The following SLC26A7 variants were observed in gnomAD, a reference collection of about 807,000 sequenced individuals.
SLC26A7 encodes the protein anion exchange transporter.
SLC26A7 carries 59 observed loss-of-function variants against 82.5 expected under a neutral mutation model. The ratio of observed to expected loss-of-function variants is 0.72; its 90% CI spans 0.58 to 0.89. SLC26A7 has a LOEUF of 0.89. Ranked by LOEUF, SLC26A7 falls within the 40% of genes least tolerant of loss-of-function variation. The pLI is 0.00. For missense variants in SLC26A7, 820 were observed against 793.0 expected (o/e 1.03, Z -0.41); for synonymous variants, 271 against 274.3 (o/e 0.99, Z 0.12).
chr8:91,318,374 C>A lies in SLC26A7; in HGVS notation c.636C>A (p.Phe212Leu). The A allele has an allele frequency of 6.3e-7, 1 of 1,597,642 alleles. No individual in the cohort carries two copies. The highest frequency in any genetic ancestry group is 8.5e-7 in the Non-Finnish European group (1 of 1,170,440). The change falls in exon 5 of 19, where the codon TTC becomes TTA. Residue 212 changes from phenylalanine to leucine, a missense_variant. By Grantham distance (22) the Phe-to-Leu change is conservative. Coordinates refer to ENST00000276609, the MANE Select transcript of SLC26A7 (RefSeq NM_052832.4). ...CATATATATCCGGACCACTTGGATT[C>A]TTTTATGTGAGTTTTTCGTATGCTT... Reference protein sequence around the residue: ...KMPYISGPLGFFYIYAYVFEN... With the variant: ...KMPYISGPLGLFYIYAYVFEN...
At chr8:91,371,992 A>G (rs1814375669) in intron 15 of SLC26A7, among the ~76,000 whole-genome samples, 1 of 152,052 alleles carries the variant, frequency 6.6e-6, no homozygotes, top group Non-Finnish European at 1.5e-5. Context: ...ATGATTAATG[A>G]TGTTGAGCAT....
intron 5 of SLC26A7, among the ~76,000 whole-genome samples, chr8:91,328,337 A>G (rs1295882211): frequency 6.6e-6 from 1 of 152,122 alleles, no homozygotes; most frequent in Non-Finnish European, 1.5e-5. Flanking sequence ...CTTCATTTTT[A>G]TAAAATTAAA....
chr8:91,357,417 T>C (rs1239203794), intron 11 of SLC26A7: 2 of 152,208 alleles, frequency 1.3e-5, no homozygotes, highest in East Asian at 3.9e-4. Flanking sequence ...TCACATTTTA[T>C]ATTGTTTTGG....
At chr8:91,359,960 A>C (rs1416602007) in intron 11 of SLC26A7, among the ~76,000 whole-genome samples, 2 of 152,098 alleles carry the variant, frequency 1.3e-5, no homozygotes, top group Admixed American at 6.6e-5. Context: ...TAGTCATCAC[A>C]TGGAAAATTA....
At chr8:91,294,297 T>C (rs1414652719) in intron 3 of SLC26A7, among the ~76,000 whole-genome samples, 1 of 152,158 alleles carries the variant, frequency 6.6e-6, no homozygotes, top group Non-Finnish European at 1.5e-5. Context: ...TCCCATTGGG[T>C]GAGGAATGCT....
chr8:91,395,061 G>T lies in SLC26A7; in HGVS notation c.1936-1G>T. 1 of 1,613,328 alleles carries T rather than the reference G, an allele frequency of 6.2e-7. No individual in the cohort carries two copies. Among genetic ancestry groups the T allele is most frequent in the Non-Finnish European group, 8.5e-7 (1 of 1,179,336 alleles). ...ACTTACTTCTTCCTCTGGTATTTCA[G>T]AATTTGAGCAAACTCAGTGACCACA... is the stretch of plus-strand genomic sequence containing the variant. On this transcript the variant is annotated splice_acceptor_variant, in intron 18 of 18. Transcript: ENST00000276609. LOFTEE classifies it high-confidence loss of function.
intron 5 of SLC26A7, among the ~76,000 whole-genome samples, 170 bp from the exon 6 acceptor site, chr8:91,334,125 T>C (rs1409867122): frequency 6.6e-6 from 1 of 152,198 alleles, no homozygotes; most frequent in Non-Finnish European, 1.5e-5. Context: ...TTTGTAGATG[T>C]AAATAAATAC....
chr8:91,361,071 A>T lies in SLC26A7; in HGVS notation c.1315-1282A>T, dbSNP rs182120703. On this transcript the variant is annotated intron_variant, in intron 11 of 18. Coordinates refer to ENST00000276609, the MANE Select transcript of SLC26A7 (RefSeq NM_052832.4). ...TGTAGATGATGGATCTTAACATGAG[A>T]TTCATTTAAATTGTATTCTCTCTTT... Among the ~76,000 whole-genome samples, 224 of 152,232 alleles carry T rather than the reference A, an allele frequency of 1.5e-3. 1 individual carries two copies. The highest frequency in any genetic ancestry group is 5.3e-3 in the African/African-American group (221 of 41,546).
At chr8:91,337,365 A>G (rs1390518392) in intron 6 of SLC26A7, among the ~76,000 whole-genome samples, 1 of 152,134 alleles carries the variant, frequency 6.6e-6, no homozygotes, top group Non-Finnish European at 1.5e-5. Flanking sequence ...CTTTTACAAG[A>G]TGAATTACTC....
At chr8:91,252,016 T>C (rs2130699283) in intron 2 of SLC26A7, among the ~76,000 whole-genome samples, 1 of 152,248 alleles carries the variant, frequency 6.6e-6, no homozygotes, top group South Asian at 2.1e-4. Flanking sequence ...TTACCTCTTG[T>C]TTGTCTGAAT....
intron 7 of SLC26A7, among the ~76,000 whole-genome samples, chr8:91,339,985 C>T (rs1813356616): frequency 6.6e-6 from 1 of 152,098 alleles, no homozygotes; most frequent in African/African-American, 2.4e-5. Context: ...AATTGTAGCT[C>T]ACAGTAAACC....
intron 5 of SLC26A7, among the ~76,000 whole-genome samples, chr8:91,333,740 C>G (rs1244815824): frequency 2.6e-5 from 4 of 152,214 alleles, no homozygotes; most frequent in East Asian, 3.9e-4. Context: ...CTATGTAGAC[C>G]TCGCAATGGG....
intron 2 of SLC26A7, among the ~76,000 whole-genome samples, chr8:91,223,184 C>T (rs747261629): frequency 9.9e-5 from 15 of 151,930 alleles, no homozygotes; most frequent in Non-Finnish European, 1.8e-4. Flanking sequence ...GGTGATATCC[C>T]CTTTATCGTT....
intron 9 of SLC26A7, among the ~76,000 whole-genome samples, chr8:91,350,541 C>T (rs1813685261): frequency 6.6e-6 from 1 of 152,076 alleles, no homozygotes; most frequent in South Asian, 2.1e-4. Flanking sequence ...TTTGCCTCCA[C>T]CTCCAGCCTC....
At chr8:91,310,748 G>C (rs1446947907) in intron 4 of SLC26A7, among the ~76,000 whole-genome samples, 1 of 152,026 alleles carries the variant, frequency 6.6e-6, no homozygotes, top group Non-Finnish European at 1.5e-5. Context: ...CCCCTCCCAA[G>C]TGCTAGCAGG....
At chr8:91,306,701 T>C (rs1199487907) in intron 4 of SLC26A7, among the ~76,000 whole-genome samples, 1 of 150,334 alleles carries the variant, frequency 6.7e-6, no homozygotes, top group Non-Finnish European at 1.5e-5. Context: ...ATATGTTGTA[T>C]CCAGATTTCC....
upstream of SLC26A7, among the ~76,000 whole-genome samples, chr8:91,246,692 C>T (rs1810549070): frequency 6.7e-6 from 1 of 148,794 alleles, no homozygotes; most frequent in African/African-American, 2.5e-5. Context: ...AAGAGCGAGA[C>T]TCTGTCTTAA....
intron 7 of SLC26A7, among the ~76,000 whole-genome samples, chr8:91,339,006 A>G (rs1207959339): frequency 6.6e-6 from 1 of 152,190 alleles, no homozygotes; most frequent in East Asian, 1.9e-4. Flanking sequence ...TCAGGAATTA[A>G]AAAGGGAATG....
chr8:91,289,260 T>A lies in SLC26A7; in HGVS notation c.304+14T>A. The A allele has an allele frequency of 6.4e-7, 1 of 1,569,454 alleles. No individual in the cohort carries two copies. Among genetic ancestry groups the A allele is most frequent in the East Asian group, 2.2e-5 (1 of 44,628 alleles). On this transcript the variant is annotated intron_variant, in intron 3 of 18. Coordinates refer to ENST00000276609, the MANE Select transcript of SLC26A7 (RefSeq NM_052832.4). Reference sequence around the variant, plus strand: ...ATGTTGCCACAGGTAATAATTCCTATGTTTATGCTTCTAATGTTACTCGCA... The same window carrying A: ...ATGTTGCCACAGGTAATAATTCCTAAGTTTATGCTTCTAATGTTACTCGCA...
Sources: gnomAD v4.1 joint callset for allele counts (sites outside exome capture counted in the v4.1 genomes callset) on GRCh38, gnomAD v4.1.1 for gene constraint, MANE v1.5 for transcripts, NCBI Gene and HGNC (gene_info 2026-07-23, HGNC 2026-07-21) for gene names.